Variants in DNAH12 observed in about 807,000 individuals in gnomAD.
DNAH12 encodes the protein dynein axonemal heavy chain 12, also known as axonemal beta dynein heavy chain 12.
In DNAH12, 285 loss-of-function variants were observed where a neutral mutation model predicts 371.5. The ratio of observed to expected loss-of-function variants is 0.77; its 90% confidence interval spans 0.70 to 0.85. DNAH12 has a LOEUF of 0.85. Among genes scored for constraint, DNAH12 ranks in the 40% least tolerant of loss-of-function variants. The pLI, the probability that DNAH12 is intolerant of heterozygous loss-of-function variation, is 0.00. For missense variants in DNAH12, 3,611 were observed against 3,689.4 expected (o/e 0.98, Z 0.55); for synonymous variants, 1,200 against 1,213.0 (o/e 0.99, Z 0.22).
In DNAH12 at chr3:57,293,906, T is replaced by A; in HGVS notation, c.11758A>T (p.Lys3920Ter). 6.5e-7 allele frequency: 1 copy of A among 1,543,300 alleles called. No individual in the cohort carries two copies. Among genetic ancestry groups the A allele is most frequent in the South Asian group, 1.2e-5 (1 of 82,158 alleles). The change falls in exon 74 of 74, where the codon AAA becomes TAA. Residue 3920 changes from lysine (K) to a stop codon, truncating the protein, a stop_gained. Coordinates refer to ENST00000495027, the MANE Select transcript of DNAH12 (RefSeq NM_001366028.2). LOFTEE classifies it high-confidence loss of function. The stretch of plus-strand genomic sequence containing the variant: ...TGTCCCGTAGTGGAAAGAGTTCCTT[T>A]ACGTTCACTTGTCTTGTAGAGGGGA... ...VCPLYKTSER[K>*]GTLSTTGHST... is the part of the protein sequence containing the mutation.
chr3:57,392,818 A>G (rs2063653142), intron 44 of DNAH12, among the ~76,000 whole-genome samples: 1 of 152,228 alleles, frequency 6.6e-6, no homozygotes, highest in Non-Finnish European at 1.5e-5. Flanking sequence ...GATAATAGCT[A>G]AAGAAGCAGG....
intron 4 of DNAH12, among the ~76,000 whole-genome samples, chr3:57,515,406 A>C (rs1461712276): frequency 6.6e-6 from 1 of 151,650 alleles, no homozygotes; most frequent in Non-Finnish European, 1.5e-5. Flanking sequence ...GAAAGAGTCA[A>C]CTTTAAGGGC....
At chr3:57,468,688 G>C (rs2066274816) in intron 17 of DNAH12, 48 bp downstream of exon 17, 1 of 1,132,656 alleles carries the variant, frequency 8.8e-7, no homozygotes, top group South Asian at 2.6e-5. Flanking sequence ...TAACAGAAAA[G>C]TTGAGAAGAT....
chr3:57,473,530 T>A lies in DNAH12; in HGVS notation c.1651-859A>T, dbSNP rs370229657. 1.1e-4 allele frequency among the ~76,000 whole-genome samples: 17 copies of A among 152,116 alleles called. No individual in the cohort carries two copies. The South Asian group carries it at 2.3e-3, about 20-fold the overall frequency. On this transcript the variant is annotated intron_variant, in intron 13 of 73. Coordinates refer to ENST00000495027, the MANE Select transcript of DNAH12 (RefSeq NM_001366028.2). ...GGTGAGTTGCAAAGAAAAAAAACTCTTAAAACAATAGATTATCTGAGTAGA... is the reference window on the plus strand; with the variant it reads ...GGTGAGTTGCAAAGAAAAAAAACTCATAAAACAATAGATTATCTGAGTAGA...
chr3:57,302,286 A>G (rs930241256), intron 69 of DNAH12, among the ~76,000 whole-genome samples: 2 of 151,954 alleles, frequency 1.3e-5, no homozygotes, highest in Non-Finnish European at 2.9e-5. Flanking sequence ...AATATGAAAA[A>G]GCTGTAATGA....
intron 12 of DNAH12, among the ~76,000 whole-genome samples, chr3:57,485,555 C>A (rs2066896997): frequency 6.9e-6 from 1 of 144,616 alleles, no homozygotes; most frequent in Non-Finnish European, 1.5e-5. Flanking sequence ...GCGCGTGCCA[C>A]CACGTCTGGC....
chr3:57,419,952 GCTTTA>G (rs2064515165), intron 36 of DNAH12, among the ~76,000 whole-genome samples: 1 of 151,964 alleles, frequency 6.6e-6, no homozygotes, highest in African/African-American at 2.4e-5. Flanking sequence ...CTGGGTTTTG[GCTTTA>G]CTTTTTTATA....
At chr3:57,418,949 A>G (rs909229690) in intron 37 of DNAH12, among the ~76,000 whole-genome samples, 1 of 152,132 alleles carries the variant, frequency 6.6e-6, no homozygotes, top group Non-Finnish European at 1.5e-5. Context: ...TTTAATATTC[A>G]CCTTAAGTTA....
intron 51 of DNAH12, among the ~76,000 whole-genome samples, 181 bp downstream of exon 51, chr3:57,380,097 G>C (rs1029388491): frequency 0.094 from 14,240 of 151,864 alleles, 2,171 homozygotes; most frequent in African/African-American, 0.32. Context: ...ATCTGAGACA[G>C]CAATGGTTTT....
At chr3:57,428,927 T>A (rs1319349464) in intron 33 of DNAH12, 106 bp from the exon 34 acceptor site, 4 of 1,153,368 alleles carry the variant, frequency 3.5e-6, no homozygotes, top group Non-Finnish European at 3.6e-6. Flanking sequence ...ATAATCTAGC[T>A]CCCATCTGCT....
intron 30 of DNAH12, among the ~76,000 whole-genome samples, chr3:57,434,679 T>C (rs2065064652): frequency 6.6e-6 from 1 of 152,190 alleles, no homozygotes; most frequent in Non-Finnish European, 1.5e-5. Context: ...AGCTAAAATA[T>C]GGACAATTAT....
At chr3:57,300,450 A>G (rs1017528130) in intron 70 of DNAH12, among the ~76,000 whole-genome samples, 2 of 152,210 alleles carry the variant, frequency 1.3e-5, no homozygotes, top group Non-Finnish European at 2.9e-5. Flanking sequence ...TGTTAAACAT[A>G]TAATCTACAT....
intron 39 of DNAH12, 71 bp downstream of exon 39, chr3:57,413,675 A>G: frequency 6.9e-7 from 1 of 1,443,240 alleles, no homozygotes; most frequent in Non-Finnish European, 9.3e-7. Context: ...AAAATGTATT[A>G]TTTTACTTTA....
At chr3:57,532,845 T>C (rs1300493451) in intron 2 of DNAH12, among the ~76,000 whole-genome samples, 4 of 152,164 alleles carry the variant, frequency 2.6e-5, no homozygotes, top group Non-Finnish European at 5.9e-5. Context: ...GGCTACCACC[T>C]ATGTTCACTC....
chr3:57,353,194 A>G (rs2062722865), intron 59 of DNAH12, among the ~76,000 whole-genome samples: 1 of 152,250 alleles, frequency 6.6e-6, no homozygotes, highest in Non-Finnish European at 1.5e-5. Context: ...AAATGTTTAC[A>G]ATAAGCATAT....
intron 32 of DNAH12, among the ~76,000 whole-genome samples, chr3:57,430,602 G>T (rs1016851718): frequency 6.6e-6 from 1 of 151,988 alleles, no homozygotes; most frequent in African/African-American, 2.4e-5. Context: ...TATTATTAAA[G>T]CCATCCTATC....
chr3:57,360,304 C>T (rs1024459214), intron 58 of DNAH12, among the ~76,000 whole-genome samples: 6 of 150,814 alleles, frequency 4.0e-5, no homozygotes, highest in Non-Finnish European at 8.9e-5. Flanking sequence ...AACAAAGCAC[C>T]AAATAGTACA....
intron 4 of DNAH12, among the ~76,000 whole-genome samples, chr3:57,521,980 T>C (rs1367267127): frequency 6.6e-6 from 1 of 151,790 alleles, no homozygotes; most frequent in Non-Finnish European, 1.5e-5. Context: ...TCCCATCACT[T>C]TGGGAGGCTG....
chr3:57,371,941 C>CA lies in DNAH12; in HGVS notation c.8759+3429dup, dbSNP rs1169602185. 5.8e-3 allele frequency among the ~76,000 whole-genome samples: 149 copies of CA among 25,790 alleles called. 5 individuals carry two copies. Among genetic ancestry groups the CA allele is most frequent in the Middle Eastern group, 0.021 (1 of 48 alleles). 16.9% of individuals were successfully genotyped at this position (25,790 alleles called of 152,430 possible). On this transcript the variant is annotated intron_variant, in intron 55 of 73. Transcript: ENST00000495027. Reference sequence around the variant, plus strand: ...TGTCAACCCAGAATTCTAAACTCAGCAAAAAAAAAAAAAAAAAAAAAAAAT... The same window carrying CA: ...TGTCAACCCAGAATTCTAAACTCAGCAAAAAAAAAAAAAAAAAAAAAAAAAT...
Sources: gnomAD v4.1 joint callset for allele counts (sites outside exome capture counted in the v4.1 genomes callset) on GRCh38, gnomAD v4.1.1 for gene constraint, MANE v1.5 for transcripts, NCBI Gene and HGNC (gene_info 2026-07-23, HGNC 2026-07-21) for gene names.